Variants in INPP5F observed in about 807,000 individuals in gnomAD.
INPP5F encodes phosphatidylinositide 4-phosphatase SAC2.
In INPP5F, 97 loss-of-function variants were observed where a neutral mutation model predicts 137.2. The observed-to-expected ratio is 0.71, with a 90% confidence interval of 0.60 to 0.84. The LOEUF is 0.84. Among genes scored for constraint, INPP5F ranks in the 40% least tolerant of loss-of-function variants. The pLI, the probability that INPP5F is intolerant of heterozygous loss-of-function variation, is 0.00. For synonymous variants in INPP5F, 504 were observed against 476.9 expected (o/e 1.06, Z -0.74); for missense variants, 1,271 against 1,371.9 (o/e 0.93, Z 1.16).
At chr10:119,770,268 G>A (rs1171609602) in intron 2 of INPP5F, among the ~76,000 whole-genome samples, 1 of 152,140 alleles carries the variant, frequency 6.6e-6, no homozygotes, top group African/African-American at 2.4e-5. Context: ...ATCAGACCTT[G>A]CTAGATTCTA....
At chr10:119,782,514 C>A (rs1481961669) in intron 3 of INPP5F, among the ~76,000 whole-genome samples, 1 of 152,030 alleles carries the variant, frequency 6.6e-6, no homozygotes, top group African/African-American at 2.4e-5. Context: ...TCCCCAAGAC[C>A]CCCCTATGAG....
intron 2 of INPP5F, among the ~76,000 whole-genome samples, chr10:119,766,773 C>CTG (rs34267011): frequency 0.06 from 9,128 of 152,050 alleles, 352 homozygotes; most frequent in South Asian, 0.22. Flanking sequence ...CAAATAAAAA[C>CTG]AGAGAATTTG....
chr10:119,735,794 A>C (rs1848199188), intron 1 of INPP5F, among the ~76,000 whole-genome samples: 1 of 152,150 alleles, frequency 6.6e-6, no homozygotes, highest in African/African-American at 2.4e-5. Flanking sequence ...CATCTAACTA[A>C]TTTAGTATTA....
At chr10:119,744,050 A>G (rs973582507) in intron 1 of INPP5F, among the ~76,000 whole-genome samples, 7 of 152,228 alleles carry the variant, frequency 4.6e-5, no homozygotes, top group Non-Finnish European at 1.0e-4. Context: ...ATAATTCACA[A>G]GGCTGTACCA....
intron 2 of INPP5F, among the ~76,000 whole-genome samples, chr10:119,771,479 T>G (rs4477365): frequency 0.052 from 7,924 of 152,086 alleles, 304 homozygotes; most frequent in Admixed American, 0.1. Context: ...CAGCGAAGCC[T>G]CCCTCACTCC....
At chr10:119,756,837 TTGCC>T (rs1391222760) in intron 2 of INPP5F, among the ~76,000 whole-genome samples, 1 of 146,740 alleles carries the variant, frequency 6.8e-6, no homozygotes, top group Non-Finnish European at 1.5e-5. Context: ...TTGTTGATGA[TTGCC>T]TGCCCTTTTA....
intron 2 of INPP5F, among the ~76,000 whole-genome samples, chr10:119,751,408 C>A (rs377032095): frequency 2.6e-5 from 4 of 152,218 alleles, no homozygotes; most frequent in African/African-American, 7.2e-5. Context: ...GTGGAAGGTG[C>A]CATGAGGGAA....
chr10:119,771,965 G>A (rs1348748496), intron 2 of INPP5F, among the ~76,000 whole-genome samples: 15 of 130,178 alleles, frequency 1.2e-4, no homozygotes, highest in Non-Finnish European at 1.9e-4. Context: ...GCGCGATCTC[G>A]GCTCACTGCA....
At chr10:119,824,855 A>G (rs1448920533) in intron 19 of INPP5F, among the ~76,000 whole-genome samples, 1 of 152,184 alleles carries the variant, frequency 6.6e-6, no homozygotes, top group Non-Finnish European at 1.5e-5. Context: ...TTTAACCTAT[A>G]CAGATTAATA....
At chr10:119,755,321 T>C (rs555349340) in intron 2 of INPP5F, among the ~76,000 whole-genome samples, 97 of 152,200 alleles carry the variant, frequency 6.4e-4, no homozygotes, top group Non-Finnish European at 1.2e-3. Context: ...GTCCTAGGCT[T>C]GTACATGGCC....
chr10:119,759,557 T>C (rs1037576393), intron 2 of INPP5F, among the ~76,000 whole-genome samples: 1 of 152,128 alleles, frequency 6.6e-6, no homozygotes, highest in African/African-American at 2.4e-5. Context: ...GGTTTCATCA[T>C]GTTGGCCAGG....
chr10:119,735,939 G>C (rs909207134), intron 1 of INPP5F, among the ~76,000 whole-genome samples: 2 of 152,202 alleles, frequency 1.3e-5, no homozygotes, highest in Admixed American at 1.3e-4. Context: ...AGACCTGCCT[G>C]GCCAACATGG....
At chr10:119,767,594 G>A (rs959542000) in intron 2 of INPP5F, among the ~76,000 whole-genome samples, 1 of 152,150 alleles carries the variant, frequency 6.6e-6, no homozygotes, top group Non-Finnish European at 1.5e-5. Flanking sequence ...TAACAAATGA[G>A]TAGACTTAAT....
At chr10:119,797,289 A>C (rs1018029345) in intron 7 of INPP5F, among the ~76,000 whole-genome samples, 172 bp from the exon 8 acceptor site, 1 of 152,220 alleles carries the variant, frequency 6.6e-6, no homozygotes, top group African/African-American at 2.4e-5. Flanking sequence ...TGTTAAAAAC[A>C]ATGATGCATA....
chr10:119,793,454 G>A (rs186627942), intron 6 of INPP5F: 1 of 152,634 alleles, frequency 6.6e-6, no homozygotes, highest in African/African-American at 2.4e-5. Context: ...ATAGGACCTG[G>A]AGTGTTTGGT....
At chr10:119,775,266 C>A (rs1160961497) in intron 2 of INPP5F, among the ~76,000 whole-genome samples, 1 of 151,618 alleles carries the variant, frequency 6.6e-6, no homozygotes, top group Non-Finnish European at 1.5e-5. Flanking sequence ...ATTCTTTTTT[C>A]TTTTTTTGAG....
chr10:119,756,521 A>G (rs1848847069), intron 2 of INPP5F, among the ~76,000 whole-genome samples: 1 of 151,794 alleles, frequency 6.6e-6, no homozygotes, highest in African/African-American at 2.4e-5. Context: ...CTGTAATCCC[A>G]CCTACCCGGG....
rs936713935 is a variant in INPP5F, at chr10:119,748,734, G to C, written c.98-2342G>C. 2.0e-5 allele frequency among the ~76,000 whole-genome samples: 3 copies of C among 152,164 alleles called. No individual in the cohort carries two copies. In the East Asian group the frequency reaches 5.8e-4, roughly 29 times the overall value. On this transcript the variant is annotated intron_variant, in intron 1 of 19. Transcript: ENST00000650623. The surrounding 1 kb of genome is among the most constrained non-coding windows in gnomAD (Gnocchi z 4.7). ...AGGAAGTGTGTGCTGATTGGTCCAT[G>C]GGAGGCCACGGACGGCCTGGAGAAA...
Position 119,787,802 on chromosome 10 carries a change from TA to T in INPP5F, c.316-3712del, listed in dbSNP as rs1480776458. Among the ~76,000 whole-genome samples, 1 of 151,878 alleles carries T rather than the reference TA, an allele frequency of 6.6e-6. No homozygotes were observed. Among genetic ancestry groups the T allele is most frequent in the African/African-American group, 2.4e-5 (1 of 41,330 alleles). Reference sequence around the variant, plus strand: ...AGGTGGGAATTTGGCCCCTACACAGTAAAGAGGACTAACAGGGCTTCATGGG... The same window carrying T: ...AGGTGGGAATTTGGCCCCTACACAGTAAGAGGACTAACAGGGCTTCATGGG... On this transcript the variant is annotated intron_variant, in intron 3 of 19. Transcript: ENST00000650623. The surrounding 1 kb of genome is among the most constrained non-coding windows in gnomAD (Gnocchi z 4.1).
Sources: gnomAD v4.1 joint callset for allele counts (sites outside exome capture counted in the v4.1 genomes callset) on GRCh38, gnomAD v4.1.1 for gene constraint, Gnocchi (gnomAD v3.1) non-coding constraint, MANE v1.5 for transcripts, NCBI Gene and HGNC (gene_info 2026-07-23, HGNC 2026-07-21) for gene names.